The following SYT8 variants were observed in gnomAD, a reference collection of about 807,000 sequenced individuals.
SYT8 encodes the protein synaptotagmin-8.
In SYT8, 50 loss-of-function variants were observed where a neutral mutation model predicts 34.9. The ratio of observed to expected loss-of-function variants is 1.43; its 90% confidence interval spans 1.14 to 1.81. The LOEUF (loss-of-function observed/expected upper bound fraction) is 1.81. Ranked by LOEUF, SYT8 falls within the 40% of genes most tolerant of loss-of-function variation. The pLI is 0.00. For missense variants in SYT8, 595 were observed against 529.0 expected (o/e 1.12, Z -1.22); for synonymous variants, 255 against 234.2 (o/e 1.09, Z -0.81).
chr11:1,836,172 C>T lies in SYT8; in HGVS notation c.404C>T (p.Thr135Ile). 2 of 1,544,990 alleles carry T rather than the reference C, an allele frequency of 1.3e-6. No homozygotes were observed. The highest frequency in any genetic ancestry group is 2.5e-5 in the South Asian group (2 of 81,568). The change falls in exon 4 of 8, where the codon ACC becomes ATC. Residue 135 changes from threonine to isoleucine, a missense_variant. Transcript: ENST00000341958. ...GCAGCCGACCTGAGGCCTGGGGGCA[C>T]CGTGGACCCCTATGCCCGGGTCAGC... ...RQAADLRPGG[T>I]VDPYARVSVS...
upstream of SYT8, chr11:1,834,375 C>T: frequency 1.6e-6 from 1 of 618,866 alleles, no homozygotes; most frequent in Admixed American, 2.5e-5. This position sits in a 1 kb window ranked among gnomAD's most constrained non-coding sequence, Gnocchi z 4.5. Context: ...AATGTTCTGG[C>T]CGCTCCCAGC....
At position 1,836,843 on chromosome 11, in the gene SYT8, C is replaced by T. The variant is rs1405942621; in HGVS notation, c.772C>T (p.Leu258=). ...LTVVVLEARG[L]RPGLAEPYVK... ...CGTGGTGGTGCTGGAGGCTCGAGGC[C>T]TGCGTCCAGGACTTGCAGGTGAGGG... The change falls in exon 6 of 8, where the codon CTG becomes TTG. Residue 258 remains leucine, a synonymous_variant. Coordinates refer to ENST00000341958, the MANE Select transcript of SYT8 (RefSeq NM_001394072.1). The T allele has an allele frequency of 1.2e-6, 2 of 1,611,888 alleles. No individual in the cohort carries two copies. Among genetic ancestry groups the T allele is most frequent in the Admixed American group, 3.3e-5 (2 of 60,018 alleles).
chr11:1,832,355 G>C (rs1846696963), upstream of SYT8, among the ~76,000 whole-genome samples: 2 of 152,176 alleles, frequency 1.3e-5, no homozygotes, highest in South Asian at 4.1e-4. Flanking sequence ...GCGGTGGCCA[G>C]GGGGGAGCCG....
chr11:1,834,737 G>C (rs1754391648), upstream of SYT8: 1 of 965,554 alleles, frequency 1.0e-6, no homozygotes, highest in Non-Finnish European at 1.6e-6. The surrounding 1 kb of genome is among the most constrained non-coding windows in gnomAD (Gnocchi z 4.5). Context: ...AGCAGGGAGG[G>C]AGAGAGCTTC....
At chr11:1,834,012 A>G (rs913006552), upstream of SYT8, 1 of 154,536 alleles carries the variant, frequency 6.5e-6, no homozygotes, top group African/African-American at 2.4e-5. This position sits in a 1 kb window ranked among gnomAD's most constrained non-coding sequence, Gnocchi z 4.5. Flanking sequence ...TGACTTGGAC[A>G]TGGCAAGAGG....
chr11:1,831,947 G>A (rs929644492), upstream of SYT8: 3 of 357,466 alleles, frequency 8.4e-6, no homozygotes, highest in South Asian at 2.0e-5. Flanking sequence ...TCGGGGAAAC[G>A]TTGCTTTTCC....
At chr11:1,832,357 G>A (rs1029412760), upstream of SYT8, among the ~76,000 whole-genome samples, 6 of 152,208 alleles carry the variant, frequency 3.9e-5, no homozygotes, top group African/African-American at 1.4e-4. Context: ...GGTGGCCAGG[G>A]GGGAGCCGGG....
At chr11:1,834,013 T>C (rs1416300192), upstream of SYT8, 1 of 155,182 alleles carries the variant, frequency 6.4e-6, no homozygotes, top group African/African-American at 2.4e-5. The surrounding 1 kb of genome is among the most constrained non-coding windows in gnomAD (Gnocchi z 4.5). Flanking sequence ...GACTTGGACA[T>C]GGCAAGAGGG....
upstream of SYT8, chr11:1,834,687 C>T (rs568429648): frequency 5.6e-6 from 8 of 1,435,922 alleles, no homozygotes; most frequent in East Asian, 9.9e-5. The surrounding 1 kb of genome is among the most constrained non-coding windows in gnomAD (Gnocchi z 4.5). Flanking sequence ...TGAGATGGGA[C>T]CCCCAGGCAG....
chr11:1,837,050 A>G lies in SYT8; in HGVS notation c.884A>G (p.Asn295Ser), dbSNP rs373868729. 2.8e-5 allele frequency: 45 copies of G among 1,613,776 alleles called. No homozygotes were observed. The highest frequency in any genetic ancestry group is 1.6e-4 in the East Asian group (7 of 44,886). The change falls in exon 7 of 8, where the codon AAT becomes AGT. Residue 295 changes from asparagine to serine, a missense_variant. Coordinates refer to ENST00000341958, the MANE Select transcript of SYT8 (RefSeq NM_001394072.1). The stretch of plus-strand genomic sequence containing the variant: ...AAGGGCACGGCGGCCCCCTACTTCA[A>G]TGAGGCCTTCACCTTCCTGGTGCCC... ...TKKGTAAPYFNEAFTFLVPFS... is the reference protein window; with the variant it reads ...TKKGTAAPYFSEAFTFLVPFS...
upstream of SYT8, among the ~76,000 whole-genome samples, chr11:1,832,093 C>A (rs1278950697): frequency 6.6e-6 from 1 of 152,206 alleles, no homozygotes; most frequent in African/African-American, 2.4e-5. Flanking sequence ...AGGGGCTCAC[C>A]CCCGTTCTGC....
chr11:1,836,391 G>A (rs1846932718), intron 4 of SYT8, 34 bp from the exon 5 acceptor site: 2 of 1,514,220 alleles, frequency 1.3e-6, no homozygotes, highest in African/African-American at 1.4e-5. Context: ...GCCTGAGCTA[G>A]GGCAGCAGGG....
rs748504767 is a variant in SYT8 at position 1,836,630 on chromosome 11, G to C, written c.684+38G>C. 1.9e-6 allele frequency: 3 copies of C among 1,603,176 alleles called. No homozygotes were observed. The South Asian group carries it at 3.3e-5, about 18-fold the overall frequency. ...TCACCAGGCCACAGCCCAAGGCAGAGCTGGCAGGGACCCTGCCCTATGGGC... is the reference window on the plus strand; with the variant it reads ...TCACCAGGCCACAGCCCAAGGCAGACCTGGCAGGGACCCTGCCCTATGGGC... On this transcript the variant is annotated intron_variant, in intron 5 of 7. Coordinates refer to ENST00000341958, the MANE Select transcript of SYT8 (RefSeq NM_001394072.1).
In SYT8 at chr11:1,836,424, G is replaced by A. The variant is rs1846934593; in HGVS notation, c.517-1G>A. 6.4e-7 allele frequency: 1 copy of A among 1,552,294 alleles called. No homozygotes were observed. The highest frequency in any genetic ancestry group is 1.2e-5 in the South Asian group (1 of 83,608). On this transcript the variant is annotated splice_acceptor_variant, in intron 4 of 7. Transcript: ENST00000341958. LOFTEE classifies it high-confidence loss of function. ...GGGCCTGGCTCACGCCGCTGCCTCA[G>A]ATCCCGCAGGCGGAGCTGCCAGGGG...
At chr11:1,832,982 T>C (rs1480611804), upstream of SYT8, among the ~76,000 whole-genome samples, 1 of 152,228 alleles carries the variant, frequency 6.6e-6, no homozygotes, top group Non-Finnish European at 1.5e-5. Flanking sequence ...GATTCTGTAT[T>C]GGCAACTTAT....
Position 1,835,887 on chromosome 11 carries a change from T to G in SYT8, c.260T>G (p.Val87Gly), listed in dbSNP as rs140608988. Residue 87 changes from valine (V) to glycine (G), a missense_variant and splice_region_variant, in exon 3 of 8, where the codon GTG becomes GGG. Val to Gly is a moderately radical substitution (Grantham distance 109). Coordinates refer to ENST00000341958, the MANE Select transcript of SYT8 (RefSeq NM_001394072.1). ...SARGTTTTHL[V>G]QPDVDGLESS... ...GCCCCTTGTCCCAACTCACTCCAGG[T>G]GCAACCTGATGTGGATGGCCTGGAG... 2.5e-4 allele frequency: 401 copies of G among 1,611,844 alleles called. No homozygotes were observed. The highest frequency in any genetic ancestry group is 3.2e-4 in the Non-Finnish European group (381 of 1,179,236).
rs1335160696 is a variant in SYT8, at chr11:1,836,997, G to A, written c.831G>A (p.Lys277=). 6.2e-7 allele frequency: 1 copy of A among 1,613,732 alleles called. No individual in the cohort carries two copies. ...VKVQLMLNQR[K]WKKRKTATKK... ...TCCAGCTCATGCTGAACCAGAGGAA[G>A]TGGAAGAAGAGAAAGACAGCCACCA... Residue 277 remains lysine (K), a synonymous_variant, in exon 7 of 8, where the codon AAG becomes AAA. Coordinates refer to ENST00000341958, the MANE Select transcript of SYT8 (RefSeq NM_001394072.1).
intron 2 of SYT8, 165 bp downstream of exon 2, chr11:1,835,624 G>A (rs893265285): frequency 4.6e-6 from 4 of 878,088 alleles, no homozygotes; most frequent in Non-Finnish European, 7.0e-6. Context: ...GAGGTGAGAA[G>A]GAGGCCATGC....
chr11:1,834,601 G>C (rs984355545), upstream of SYT8: 5 of 1,588,270 alleles, frequency 3.1e-6, no homozygotes, highest in South Asian at 1.1e-5. The surrounding 1 kb of genome is among the most constrained non-coding windows in gnomAD (Gnocchi z 4.5). Context: ...GGCAAACCAT[G>C]GTGGGCCCCA....
Sources: allele counts gnomAD v4.1 joint callset (sites outside exome capture counted in the v4.1 genomes callset), GRCh38; gene constraint gnomAD v4.1.1; non-coding constraint Gnocchi (gnomAD v3.1); transcripts MANE v1.5; gene names NCBI Gene and HGNC (gene_info 2026-07-23, HGNC 2026-07-21).